The following BNC2 variants were observed in gnomAD, a reference collection of about 807,000 sequenced individuals.
The protein encoded by BNC2 is basonuclin zinc finger protein 2, also known as zinc finger protein basonuclin-2.
BNC2 carries 20 observed loss-of-function variants against 76.3 expected under a neutral mutation model. The observed-to-expected ratio is 0.26, with a 90% CI of 0.18 to 0.38. BNC2 has a LOEUF of 0.38. BNC2 is among the 10% of genes least tolerant of loss of function. The pLI, the probability that BNC2 is intolerant of heterozygous loss-of-function variation, is 1.00. For synonymous variants in BNC2, 582 were observed against 514.8 expected (o/e 1.13, Z -1.77); for missense variants, 1,382 against 1,399.8 (o/e 0.99, Z 0.20).
chr9:16,437,450 A>G lies in BNC2; in HGVS notation c.744T>C (p.Phe248=), dbSNP rs766596466. ...TGGATTTGGTTTCTCCAAACCGCAG[A>G]AACTGCTGAAGGGTGATGATTTCCT... ...REEEIITLQQ[F]LRFGETKSIV... is the part of the protein sequence containing the mutation. Residue 248 remains phenylalanine (F), a synonymous_variant, in exon 6 of 7, where the codon TTT becomes TTC. Coordinates refer to ENST00000380672, the MANE Select transcript of BNC2 (RefSeq NM_017637.6). The G allele has an allele frequency of 6.2e-7, 1 of 1,613,176 alleles. No homozygotes were observed.
chr9:16,814,650 T>C (rs1191414142), intron 1 of BNC2, among the ~76,000 whole-genome samples: 1 of 152,160 alleles, frequency 6.6e-6, no homozygotes, highest in East Asian at 1.9e-4. Context: ...ATGGCAATGT[T>C]TGAGATAACA....
intron 1 of BNC2, among the ~76,000 whole-genome samples, chr9:16,859,034 G>C (rs1819332182): frequency 6.6e-6 from 1 of 152,020 alleles, no homozygotes; most frequent in Admixed American, 6.6e-5. Flanking sequence ...TTAAAAATAG[G>C]TGAAGGACTT....
chr9:16,691,093 T>TA (rs1452416307), intron 3 of BNC2, among the ~76,000 whole-genome samples: 2 of 152,090 alleles, frequency 1.3e-5, no homozygotes, highest in Admixed American at 1.3e-4. Context: ...GGATAAAAGG[T>TA]AAAAATCTCT....
intron 2 of BNC2, among the ~76,000 whole-genome samples, chr9:16,737,654 T>C (rs1824716409): frequency 6.6e-6 from 1 of 151,796 alleles, no homozygotes. Context: ...TTTATATACA[T>C]ACATATTTAA....
At chr9:16,554,290 C>T (rs76965638) in intron 4 of BNC2, among the ~76,000 whole-genome samples, 3,891 of 152,244 alleles carry the variant, frequency 0.026, 125 homozygotes, top group South Asian at 0.17. Flanking sequence ...TGTATTTTTT[C>T]AGGGCTCCTC....
At chr9:16,837,321 T>C (rs1265376448) in intron 1 of BNC2, among the ~76,000 whole-genome samples, 6 of 151,936 alleles carry the variant, frequency 3.9e-5, no homozygotes, top group Admixed American at 1.3e-4. Flanking sequence ...CTGGCCAACA[T>C]AGTGAAATCC....
intron 1 of BNC2, among the ~76,000 whole-genome samples, chr9:16,806,576 C>A (rs981708646): frequency 3.3e-5 from 5 of 152,086 alleles, no homozygotes; most frequent in African/African-American, 1.2e-4. Flanking sequence ...ATTACCCAGG[C>A]AAAGTTGTAT....
intron 3 of BNC2, 110 bp from the exon 4 acceptor site, chr9:16,583,195 T>C: frequency 2.2e-6 from 2 of 893,542 alleles, no homozygotes; most frequent in Non-Finnish European, 3.6e-6. Context: ...TTTATGATGG[T>C]AGGGGCCTGG....
chr9:16,523,389 T>C (rs966251283), intron 5 of BNC2, among the ~76,000 whole-genome samples: 3 of 149,666 alleles, frequency 2.0e-5, no homozygotes, highest in Non-Finnish European at 3.0e-5. Flanking sequence ...GAGAATGGCA[T>C]GAACCCGGGA....
intron 1 of BNC2, among the ~76,000 whole-genome samples, chr9:16,845,784 C>T (rs1818965800): frequency 6.6e-6 from 1 of 152,082 alleles, no homozygotes; most frequent in Non-Finnish European, 1.5e-5. Flanking sequence ...TTCCAGAACA[C>T]AAAATGTTCA....
intron 3 of BNC2, among the ~76,000 whole-genome samples, chr9:16,711,072 G>C (rs1016342163): frequency 6.6e-6 from 1 of 151,602 alleles, no homozygotes; most frequent in Non-Finnish European, 1.5e-5. Context: ...AGTGCTACGT[G>C]ACACGATTTG....
intron 1 of BNC2, among the ~76,000 whole-genome samples, chr9:16,821,303 GT>G (rs1818324017): frequency 6.6e-6 from 1 of 151,860 alleles, no homozygotes; most frequent in Non-Finnish European, 1.5e-5. Context: ...CAGCAACAGG[GT>G]CTGCAGGCCT....
At chr9:16,768,023 T>A (rs936205730) in intron 1 of BNC2, among the ~76,000 whole-genome samples, 4 of 150,880 alleles carry the variant, frequency 2.7e-5, no homozygotes, top group African/African-American at 9.8e-5. Flanking sequence ...TGGAGTGAAG[T>A]GGCACAATCT....
In BNC2 at chr9:16,463,715, A is replaced by C. The variant is rs1035596021; in HGVS notation, c.670-26191T>G. ...ACGGTTACATATTAACAATGATAGGAGATTATTTTCTAATTCCTCCTCCAA... is the reference window on the plus strand; with the variant it reads ...ACGGTTACATATTAACAATGATAGGCGATTATTTTCTAATTCCTCCTCCAA... On this transcript the variant is annotated intron_variant, in intron 5 of 6. Transcript: ENST00000380672. Among the ~76,000 whole-genome samples the C allele has an allele frequency of 3.9e-5, 6 of 152,242 alleles. No individual in the cohort carries two copies. The East Asian group carries it at 1.2e-3, about 29-fold the overall frequency.
chr9:16,824,184 T>A (rs1044947966), intron 1 of BNC2, among the ~76,000 whole-genome samples: 4 of 152,186 alleles, frequency 2.6e-5, no homozygotes, highest in African/African-American at 4.8e-5. Flanking sequence ...GTAATGTGTC[T>A]AACGACAGTG....
chr9:16,521,999 C>A (rs1486616642), intron 5 of BNC2, among the ~76,000 whole-genome samples: 1 of 151,972 alleles, frequency 6.6e-6, no homozygotes, highest in East Asian at 1.9e-4. Flanking sequence ...CAAACAAGCA[C>A]ACAGCACTAG....
chr9:16,744,116 G>A (rs1285645316), intron 1 of BNC2, among the ~76,000 whole-genome samples: 10 of 151,940 alleles, frequency 6.6e-5, no homozygotes, highest in Admixed American at 5.2e-4. Context: ...ACAGGCGCCT[G>A]CCACCACGCC....
intron 3 of BNC2, among the ~76,000 whole-genome samples, chr9:16,674,088 T>C (rs1822564731): frequency 6.6e-6 from 1 of 152,234 alleles, no homozygotes; most frequent in Non-Finnish European, 1.5e-5. Flanking sequence ...CAAAGCCTTT[T>C]AGATATATAA....
intron 5 of BNC2, among the ~76,000 whole-genome samples, chr9:16,541,709 T>C (rs1818325977): frequency 6.6e-6 from 1 of 152,182 alleles, no homozygotes; most frequent in South Asian, 2.1e-4. Context: ...AATTTTCTTA[T>C]CAACACATCA....
Sources: allele counts gnomAD v4.1 joint callset (sites outside exome capture counted in the v4.1 genomes callset), GRCh38; gene constraint gnomAD v4.1.1; transcripts MANE v1.5; gene names NCBI Gene and HGNC (gene_info 2026-07-23, HGNC 2026-07-21).